The following ATP13A5 variants were observed in gnomAD, a reference collection of about 807,000 sequenced individuals.
The protein encoded by ATP13A5 is probable cation-transporting ATPase 13A5.
ATP13A5 carries 149 observed loss-of-function variants against 150.2 expected under a neutral mutation model. The observed-to-expected ratio is 0.99, with a 90% CI of 0.87 to 1.14. ATP13A5 has a LOEUF of 1.14. Ranked by LOEUF, ATP13A5 falls within the 50% of genes most tolerant of loss-of-function variation. ATP13A5 has a pLI of 0.00. For synonymous variants in ATP13A5, 497 were observed against 522.2 expected, an observed-to-expected ratio of 0.95 and a Z score of 0.66; for missense variants, 1,383 against 1,449.3, an observed-to-expected ratio of 0.95 and a Z score of 0.74.
At chr3:193,354,823 A>T (rs1577367777) in intron 5 of ATP13A5, among the ~76,000 whole-genome samples, 2 of 151,896 alleles carry the variant, frequency 1.3e-5, no homozygotes, top group East Asian at 3.9e-4. Context: ...GATTCATTTG[A>T]TCCTCACAAT....
rs1056480481 is a variant in ATP13A5, at chr3:193,314,833, G to T, written c.2158+139C>A. 5 of 1,063,318 alleles carry T rather than the reference G, an allele frequency of 4.7e-6. No individual in the cohort carries two copies. In the African/African-American group the frequency reaches 6.4e-5, roughly 14 times the overall value. The allele number at this position is 1,063,318 out of a possible 1,614,324, so 65.9% of individuals were successfully genotyped here. ...TCGGGGCAGCTGCACATGTTTTTAG[G>T]TAAGGGACTACAGGGTAACAAATTC... On this transcript the variant is annotated intron_variant, in intron 18 of 29. Transcript: ENST00000342358.
chr3:193,293,611 G>T (rs1330034621), intron 25 of ATP13A5, among the ~76,000 whole-genome samples: 1 of 151,900 alleles, frequency 6.6e-6, no homozygotes, highest in African/African-American at 2.4e-5. Flanking sequence ...TAATTATTTG[G>T]CATCATTTGG....
chr3:193,297,415 T>G (rs1181197019), intron 25 of ATP13A5, among the ~76,000 whole-genome samples: 2 of 151,986 alleles, frequency 1.3e-5, no homozygotes, highest in African/African-American at 4.8e-5. Context: ...GCCTGTGGGA[T>G]GAGTAAGTTT....
At chr3:193,377,070 A>C (rs1713670496) in intron 1 of ATP13A5, among the ~76,000 whole-genome samples, 1 of 152,206 alleles carries the variant, frequency 6.6e-6, no homozygotes, top group Non-Finnish European at 1.5e-5. Context: ...CTATGATACC[A>C]ATGTCCTGTT....
At chr3:193,344,887 C>A (rs1712273033) in intron 8 of ATP13A5, 116 bp downstream of exon 8, 7 of 1,055,748 alleles carry the variant, frequency 6.6e-6, no homozygotes, top group Non-Finnish European at 1.0e-5. Flanking sequence ...ACCCTCGTCC[C>A]AGTTCTGGGT....
chr3:193,368,987 T>TG (rs1423463260), intron 1 of ATP13A5, among the ~76,000 whole-genome samples: 2 of 152,214 alleles, frequency 1.3e-5, no homozygotes, highest in Non-Finnish European at 2.9e-5. Flanking sequence ...CTCACACCTG[T>TG]AATCCCAGTG....
intron 21 of ATP13A5, among the ~76,000 whole-genome samples, chr3:193,308,018 G>A (rs1022047537): frequency 2.0e-5 from 3 of 152,070 alleles, no homozygotes; most frequent in Non-Finnish European, 4.4e-5. Context: ...TATAAGTATT[G>A]ATAAATGACA....
Position 193,317,061 on chromosome 3 carries a change from G to A in ATP13A5, c.2033+1930C>T, listed in dbSNP as rs186706223. On this transcript the variant is annotated intron_variant, in intron 17 of 29. Transcript: ENST00000342358. The stretch of plus-strand genomic sequence containing the variant: ...TTTCTATTTTATGATGCTTCTTCTC[G>A]TTCACTACTTTAGGCACTTGGCTGC... 8.5e-5 allele frequency among the ~76,000 whole-genome samples: 13 copies of A among 152,174 alleles called. No homozygotes were observed. The East Asian group carries it at 1.2e-3, about 14-fold the overall frequency.
chr3:193,372,367 C>A (rs893375735), intron 1 of ATP13A5: 1 of 152,840 alleles, frequency 6.5e-6, no homozygotes, highest in Non-Finnish European at 1.5e-5. Flanking sequence ...CCAACCCCTA[C>A]TTTTGTTCTC....
intron 23 of ATP13A5, among the ~76,000 whole-genome samples, chr3:193,304,458 A>G (rs1168992704): frequency 6.6e-6 from 1 of 152,162 alleles, no homozygotes; most frequent in Non-Finnish European, 1.5e-5. Flanking sequence ...TGACCTGTTT[A>G]TTCTGATGCA....
At chr3:193,361,472 A>G (rs145701970) in intron 5 of ATP13A5, among the ~76,000 whole-genome samples, 1 of 152,284 alleles carries the variant, frequency 6.6e-6, no homozygotes, top group African/African-American at 2.4e-5. Context: ...TGGAGCTTAA[A>G]ACCTATATTT....
In ATP13A5 at chr3:193,343,821, C is replaced by CCTATA; in HGVS notation, c.943+105_943+106insTATAG. On this transcript the variant is annotated intron_variant, in intron 9 of 29. Transcript: ENST00000342358. Reference sequence around the variant, plus strand: ...GCAAAGGCTGGCTGTGTCTCCCTCACCTATCTCTGAATATCTTAGCAAGGG... The same window carrying CCTATA: ...GCAAAGGCTGGCTGTGTCTCCCTCACCTATACTATCTCTGAATATCTTAGCAAGGG... The CCTATA allele has an allele frequency of 4.5e-6, 6 of 1,346,114 alleles. No homozygotes were observed. The South Asian group carries it at 1.1e-4, about 24-fold the overall frequency. 83.4% of individuals were successfully genotyped at this position (1,346,114 alleles called of 1,614,324 possible). A position where few individuals can be genotyped will look rare whatever the true frequency, so the allele number is the denominator to read the frequency against.
intron 16 of ATP13A5, 40 bp downstream of exon 16, chr3:193,321,640 AC>A: frequency 6.2e-7 from 1 of 1,604,332 alleles, no homozygotes; most frequent in African/African-American, 1.3e-5. Flanking sequence ...CAAAGAAAAA[AC>A]AAAAGTATTT....
At chr3:193,297,725 C>T (rs994279555) in intron 25 of ATP13A5, among the ~76,000 whole-genome samples, 1 of 152,058 alleles carries the variant, frequency 6.6e-6, no homozygotes, top group African/African-American at 2.4e-5. Context: ...TTTCCCAGGG[C>T]TACCAACTGG....
chr3:193,315,934 T>C (rs571079566), intron 17 of ATP13A5, among the ~76,000 whole-genome samples: 43 of 152,216 alleles, frequency 2.8e-4, no homozygotes, highest in African/African-American at 1.0e-3. Flanking sequence ...AAACTTTATA[T>C]CCATTAACAA....
rs773959551 is a variant in ATP13A5 at position 193,285,003 on chromosome 3, G to A, written c.3137C>T (p.Thr1046Ile). Residue 1046 changes from threonine to isoleucine, a missense_variant, in exon 27 of 30, where the codon ACA becomes ATA. Transcript: ENST00000342358. ...GTTGATGGTGGTGATGGGCCACAGTGTGGTGGTCTCAAAACTTAAAATTGA... is the reference window on the plus strand; with the variant it reads ...GTTGATGGTGGTGATGGGCCACAGTATGGTGGTCTCAAAACTTAAAATTGA... The part of the protein sequence containing the change: ...PGSILSFETT[T>I]LWPITTINYI... 16 of 1,613,980 alleles carry A rather than the reference G, an allele frequency of 9.9e-6. No individual in the cohort carries two copies. Among genetic ancestry groups the A allele is most frequent in the African/African-American group, 4.0e-5 (3 of 74,926 alleles).
chr3:193,334,069 C>T (rs1022186555), intron 10 of ATP13A5, among the ~76,000 whole-genome samples, 162 bp from the exon 11 acceptor site: 2 of 152,144 alleles, frequency 1.3e-5, no homozygotes, highest in African/African-American at 2.4e-5. Flanking sequence ...TAACCATGAG[C>T]TTCCATGTAG....
In ATP13A5 at chr3:193,305,781, C is replaced by T. The variant is rs112225506; in HGVS notation, c.2569-113G>A. On this transcript the variant is annotated intron_variant, in intron 22 of 29. Transcript: ENST00000342358. ...AAGGTATAACACTGTACTGTTTCAT[C>T]TTTGGGTCTCTGTTTAATGCTGTCC... 1,351 of 858,630 alleles carry T rather than the reference C, an allele frequency of 1.6e-3. 15 individuals carry two copies. In the African/African-American group the frequency reaches 0.022, roughly 14 times the overall value. The allele number at this position is 858,630 out of a possible 1,614,324, so 53.2% of individuals were successfully genotyped here.
intron 2 of ATP13A5, among the ~76,000 whole-genome samples, chr3:193,363,681 C>G (rs935453999): frequency 2.0e-5 from 3 of 152,172 alleles, no homozygotes; most frequent in Admixed American, 1.3e-4. Context: ...GGAAAGCTTT[C>G]TATCCAGAAA....
Sources: gnomAD v4.1 joint callset for allele counts (sites outside exome capture counted in the v4.1 genomes callset) on GRCh38, gnomAD v4.1.1 for gene constraint, MANE v1.5 for transcripts, NCBI Gene and HGNC (gene_info 2026-07-23, HGNC 2026-07-21) for gene names.